Variants in NRG1 observed in about 807,000 individuals in gnomAD.
NRG1 encodes the protein pro-neuregulin-1, membrane-bound isoform.
NRG1 carries 18 observed loss-of-function variants against 63.8 expected under a neutral mutation model. The observed-to-expected ratio is 0.28, with a 90% CI of 0.19 to 0.42. NRG1 has a LOEUF of 0.42. Ranked by LOEUF, NRG1 falls within the 10% of genes least tolerant of loss-of-function variation. NRG1 has a pLI of 1.00. For synonymous variants in NRG1, 302 were observed against 301.3 expected, an observed-to-expected ratio of 1.00 and a Z score of -0.02; for missense variants, 762 against 814.7, an observed-to-expected ratio of 0.94 and a Z score of 0.79.
At chr8:32,763,441 T>C in intron 11 of NRG1, 1 of 1,420,660 alleles carries the variant, frequency 7.0e-7, no homozygotes, top group Non-Finnish European at 9.6e-7. Flanking sequence ...TTCCAGGACC[T>C]AATGCCTTCT....
chr8:32,190,173 G>T (rs1472906759), intron 1 of NRG1, among the ~76,000 whole-genome samples: 1 of 150,054 alleles, frequency 6.7e-6, no homozygotes, highest in Admixed American at 6.7e-5. Flanking sequence ...TTATCAAAAT[G>T]TATTATTATT....
intron 1 of NRG1, among the ~76,000 whole-genome samples, chr8:32,325,678 A>AT (rs1801913523): frequency 6.6e-6 from 1 of 152,078 alleles, no homozygotes; most frequent in Non-Finnish European, 1.5e-5. Context: ...CACCTGGCCT[A>AT]TTTGTATAAT....
intron 1 of NRG1, among the ~76,000 whole-genome samples, chr8:32,125,796 C>G (rs1833997940): frequency 6.6e-6 from 1 of 151,982 alleles, no homozygotes; most frequent in African/African-American, 2.4e-5. Context: ...TCTCTCCTCT[C>G]CAACATATCT....
At chr8:32,373,648 GGCACCTGTAAT>G (rs1292776543) in intron 1 of NRG1, among the ~76,000 whole-genome samples, 2 of 152,052 alleles carry the variant, frequency 1.3e-5, no homozygotes, top group Non-Finnish European at 2.9e-5. Flanking sequence ...AGTGGTGGCA[GGCACCTGTAAT>G]CCCAGCTACT....
At chr8:31,962,820 C>T (rs568200204) in intron 1 of NRG1, among the ~76,000 whole-genome samples, 6 of 152,266 alleles carry the variant, frequency 3.9e-5, no homozygotes, top group Non-Finnish European at 5.9e-5. Flanking sequence ...TCTATTTTCT[C>T]CCTGAAGCTT....
intron 1 of NRG1, among the ~76,000 whole-genome samples, chr8:32,025,764 G>C (rs574463203): frequency 1.3e-5 from 2 of 151,972 alleles, no homozygotes; most frequent in South Asian, 4.2e-4. Flanking sequence ...TGGCTAACAA[G>C]GTGAAATCCC....
intron 1 of NRG1, among the ~76,000 whole-genome samples, chr8:32,231,704 C>CTCCTGGTCAGG (rs1393893709): frequency 2.6e-4 from 40 of 151,858 alleles, no homozygotes; most frequent in Admixed American, 6.6e-5. Flanking sequence ...AGTTCAAGAC[C>CTCCTGGTCAGG]AGCCTGACCA....
intron 1 of NRG1, among the ~76,000 whole-genome samples, chr8:32,232,799 A>G (rs1383959): frequency 0.75 from 113,911 of 151,966 alleles, 43,781 homozygotes; most frequent in African/African-American, 0.91. Context: ...AGGATCCCTT[A>G]CATAAAAACC....
intron 1 of NRG1, among the ~76,000 whole-genome samples, chr8:31,738,922 C>T (rs116625398): frequency 6.6e-6 from 1 of 152,082 alleles, no homozygotes; most frequent in African/African-American, 2.4e-5. Flanking sequence ...CTAATTACAT[C>T]TGCCACAAAT....
At chr8:32,766,900 C>G (rs1053845997) in exon 12 of NRG1, 1 of 152,104 alleles carries the variant, frequency 6.6e-6, no homozygotes, top group African/African-American at 2.4e-5. Context: ...CTCTTGACCA[C>G]CTCTGTTAAT....
At chr8:31,924,966 G>T (rs1834219008) in intron 1 of NRG1, among the ~76,000 whole-genome samples, 1 of 151,272 alleles carries the variant, frequency 6.6e-6, no homozygotes. Context: ...AGAGCATATG[G>T]ATTGTATGAT....
At chr8:32,749,628 C>G in intron 7 of NRG1, 2 of 1,595,184 alleles carry the variant, frequency 1.3e-6, no homozygotes, top group Non-Finnish European at 1.7e-6. Flanking sequence ...GAATTTAGAG[C>G]CTATGAGCTG....
At chr8:32,007,277 A>G (rs1187865786) in intron 1 of NRG1, among the ~76,000 whole-genome samples, 1 of 152,016 alleles carries the variant, frequency 6.6e-6, no homozygotes, top group Admixed American at 6.6e-5. Context: ...CAACCTAGTG[A>G]CCTTTCTACT....
rs961066341 is a variant in NRG1 at position 32,699,118 on chromosome 8, C to G, written c.503-28831C>G. On this transcript the variant is annotated intron_variant, in intron 5 of 11. Coordinates refer to ENST00000356819, the Ensembl canonical transcript of NRG1. Reference sequence around the variant, plus strand: ...CTTAAATAAATAATATGCATTCTCTCGATTCCATCCTTGTGAATTTGCATT... The same window carrying G: ...CTTAAATAAATAATATGCATTCTCTGGATTCCATCCTTGTGAATTTGCATT... Among the ~76,000 whole-genome samples the G allele has an allele frequency of 6.6e-5, 10 of 152,180 alleles. No individual in the cohort carries two copies. In the South Asian group the frequency reaches 1.9e-3, roughly 28 times the overall value.
At chr8:32,756,435 G>C (rs765624084) in exon 9 of NRG1, 2 of 1,612,846 alleles carry the variant, frequency 1.2e-6, no homozygotes, top group African/African-American at 1.3e-5. Flanking sequence ...GACCGTCTTC[G>C]GCAGAGCCTT....
chr8:31,957,851 C>T (rs190347685), intron 1 of NRG1, among the ~76,000 whole-genome samples: 15 of 152,178 alleles, frequency 9.9e-5, no homozygotes, highest in East Asian at 3.9e-4. Flanking sequence ...AGAGAGAGAG[C>T]GCACTATTTC....
chr8:32,123,996 A>C (rs941054050), intron 1 of NRG1, among the ~76,000 whole-genome samples: 1 of 151,986 alleles, frequency 6.6e-6, no homozygotes, highest in African/African-American at 2.4e-5. Context: ...CTAAAACTAA[A>C]AAAAGGAAAT....
chr8:32,714,996 C>T (rs77713951), intron 5 of NRG1, among the ~76,000 whole-genome samples: 2,922 of 152,148 alleles, frequency 0.019, 178 homozygotes, highest in East Asian at 0.16. Flanking sequence ...TTTTTTAAGA[C>T]AGGATCTTGC....
intron 1 of NRG1, among the ~76,000 whole-genome samples, chr8:31,782,929 G>A (rs1296937608): frequency 2.6e-5 from 4 of 152,154 alleles, no homozygotes; most frequent in Admixed American, 2.6e-4. Flanking sequence ...CACAAAGCCA[G>A]GGTTATGAAT....
Sources: gnomAD v4.1 joint callset for allele counts (sites outside exome capture counted in the v4.1 genomes callset) on GRCh38, gnomAD v4.1.1 for gene constraint, MANE v1.5 for transcripts, NCBI Gene and HGNC (gene_info 2026-07-23, HGNC 2026-07-21) for gene names.